Variants in DGKZ observed in about 807,000 individuals in gnomAD.
DGKZ encodes the protein diacylglycerol kinase zeta.
Under a neutral mutation model 142.5 loss-of-function variants are expected in DGKZ, and 45 were observed. That is an observed-to-expected ratio of 0.32 (90% CI 0.25 to 0.40). DGKZ has a LOEUF of 0.40. Among genes scored for constraint, DGKZ ranks in the 10% least tolerant of loss-of-function variants. The pLI is 1.00. For missense variants in DGKZ, 755 were observed against 1,306.5 expected (o/e 0.58, Z 6.51); for synonymous variants, 442 against 527.0 (o/e 0.84, Z 2.21).
rs967779934 is a variant in DGKZ, at chr11:46,366,942, G to A, written c.162-349G>A. On this transcript the variant is annotated intron_variant, in intron 1 of 30. Transcript: ENST00000527911. ...TCCCGCAGGCGCCAGGTAGCCCTACGGCGCAAGGCGGCCGGACCCCAGGCC... is the reference window on the plus strand; with the variant it reads ...TCCCGCAGGCGCCAGGTAGCCCTACAGCGCAAGGCGGCCGGACCCCAGGCC... 11 of 1,539,098 alleles carry A rather than the reference G, an allele frequency of 7.1e-6. No individual in the cohort carries two copies. The highest frequency in any genetic ancestry group is 1.2e-5 in the South Asian group (1 of 84,266).
chr11:46,353,946 C>T (rs540192908), intron 1 of DGKZ, among the ~76,000 whole-genome samples: 68 of 152,354 alleles, frequency 4.5e-4, no homozygotes, highest in African/African-American at 1.6e-3. Flanking sequence ...CCGCCCCCTT[C>T]CCCAGCTTGC....
In DGKZ at chr11:46,367,944, G is replaced by T; in HGVS notation, c.367-58G>T. ...ACAAAGGGCAGCTGTGCTGGGGCAG[G>T]CAGCCTCCGAGATAGACTTACCTGG... On this transcript the variant is annotated intron_variant, in intron 3 of 30. Transcript: ENST00000527911. The surrounding 1 kb of genome is among the most constrained non-coding windows in gnomAD (Gnocchi z 4.1). 1 of 1,592,906 alleles carries T rather than the reference G, an allele frequency of 6.3e-7. No homozygotes were observed. Among genetic ancestry groups the T allele is most frequent in the Non-Finnish European group, 8.6e-7 (1 of 1,161,252 alleles).
At chr11:46,361,338 G>A (rs1344933375) in intron 1 of DGKZ, among the ~76,000 whole-genome samples, 1 of 152,192 alleles carries the variant, frequency 6.6e-6, no homozygotes, top group Non-Finnish European at 1.5e-5. Context: ...CATGGGCTGG[G>A]CTGTACTGGG....
In DGKZ at chr11:46,367,123, C is replaced by A; in HGVS notation, c.162-168C>A. On this transcript the variant is annotated intron_variant, in intron 1 of 30. Transcript: ENST00000527911. This position sits in a 1 kb window ranked among gnomAD's most constrained non-coding sequence, Gnocchi z 4.1. Reference sequence around the variant, plus strand: ...GCAGTACCCTGAAGCCAGCGTACCCCAAAAGGCCATGTCTCTTGCAGGGAG... The same window carrying A: ...GCAGTACCCTGAAGCCAGCGTACCCAAAAAGGCCATGTCTCTTGCAGGGAG... 7.7e-7 allele frequency: 1 copy of A among 1,293,400 alleles called. No individual in the cohort carries two copies. The highest frequency in any genetic ancestry group is 1.1e-6 in the Non-Finnish European group (1 of 927,378). 80.1% of individuals were successfully genotyped at this position (1,293,400 alleles called of 1,614,324 possible).
At chr11:46,361,867 C>T (rs1227322209) in intron 1 of DGKZ, 1 of 176,692 alleles carries the variant, frequency 5.7e-6, no homozygotes, top group Admixed American at 6.5e-5. Context: ...AAAGGGTCCC[C>T]CCGAGCTCCT....
In DGKZ at chr11:46,372,806, C is replaced by T. The variant is rs1225260947; in HGVS notation, c.1107C>T (p.Arg369=). The T allele has an allele frequency of 1.2e-6, 2 of 1,603,882 alleles. No homozygotes were observed. Among genetic ancestry groups the T allele is most frequent in the Non-Finnish European group, 1.7e-6 (2 of 1,175,490 alleles). Residue 369 remains arginine (R), a synonymous_variant, in exon 13 of 31, where the codon CGC becomes CGT. Transcript: ENST00000527911. The surrounding 1 kb of genome is among the most constrained non-coding windows in gnomAD (Gnocchi z 5.9). Reference sequence around the variant, plus strand: ...TCCTCTCCACCCTGGACCAGCTACGCCTGAAGCCGCCACCCCCTGTTGCCA... The same window carrying T: ...TCCTCTCCACCCTGGACCAGCTACGTCTGAAGCCGCCACCCCCTGTTGCCA...
Position 46,347,498 on chromosome 11 carries a change from G to C in DGKZ, c.-162G>C. On this transcript the variant is annotated 5_prime_UTR_variant, in exon 1 of 31. Transcript: ENST00000527911. This position sits in a 1 kb window ranked among gnomAD's most constrained non-coding sequence, Gnocchi z 6.4. ...GGAGCGGCGGCGGCAGCGGCTTCCC[G>C]GGCACCTGGGCGTGGGGAGCGGGGG... The C allele has an allele frequency of 1.0e-6, 1 of 982,404 alleles. No homozygotes were observed. The highest frequency in any genetic ancestry group is 1.2e-6 in the Non-Finnish European group (1 of 829,006). The allele number at this position is 982,404 out of a possible 1,614,324, so 60.9% of individuals were successfully genotyped here.
chr11:46,361,102 G>C (rs1468914352), intron 1 of DGKZ, among the ~76,000 whole-genome samples: 2 of 152,222 alleles, frequency 1.3e-5, no homozygotes, highest in Admixed American at 6.5e-5. Flanking sequence ...CGTTTGTAAT[G>C]CTGGTGAAAA....
At position 46,367,141 on chromosome 11, in the gene DGKZ, G is replaced by T; in HGVS notation, c.162-150G>T. 3.2e-6 allele frequency: 4 copies of T among 1,241,820 alleles called. No homozygotes were observed. The South Asian group carries it at 3.9e-5, about 12-fold the overall frequency. The allele number at this position is 1,241,820 out of a possible 1,614,324, so 76.9% of individuals were successfully genotyped here. ...CGTACCCCAAAAGGCCATGTCTCTT[G>T]CAGGGAGCCTCTTAGTGTCTGGGGC... On this transcript the variant is annotated intron_variant, in intron 1 of 30. Transcript: ENST00000527911. The surrounding 1 kb of genome is among the most constrained non-coding windows in gnomAD (Gnocchi z 4.1).
upstream of DGKZ, chr11:46,345,471 G>C (rs1478089066): frequency 6.7e-7 from 1 of 1,503,592 alleles, no homozygotes; most frequent in Non-Finnish European, 8.9e-7. The surrounding 1 kb of genome is among the most constrained non-coding windows in gnomAD (Gnocchi z 4.1). Context: ...TCAGCTCTGG[G>C]CCCAGTGGAG....
Position 46,372,211 on chromosome 11 carries a change from G to A in DGKZ, c.927+41G>A, listed in dbSNP as rs371914563. The A allele has an allele frequency of 1.6e-4, 241 of 1,530,054 alleles. No individual in the cohort carries two copies. Among genetic ancestry groups the A allele is most frequent in the Non-Finnish European group, 2.1e-4 (234 of 1,128,746 alleles). The allele number at this position is 1,530,054 out of a possible 1,614,324, so 94.8% of individuals were successfully genotyped here. A position where few individuals can be genotyped will look rare whatever the true frequency, so the allele number is the denominator to read the frequency against. On this transcript the variant is annotated intron_variant, in intron 10 of 30. Transcript: ENST00000527911. This position sits in a 1 kb window ranked among gnomAD's most constrained non-coding sequence, Gnocchi z 5.9. Reference sequence around the variant, plus strand: ...CCTCTCAGCTAAGGGCTCGGGCGGGGGTTGGGGTCCAGCCCGTCTGCCAGC... The same window carrying A: ...CCTCTCAGCTAAGGGCTCGGGCGGGAGTTGGGGTCCAGCCCGTCTGCCAGC...
chr11:46,344,719 G>A (rs1226985284), upstream of DGKZ, among the ~76,000 whole-genome samples: 3 of 152,292 alleles, frequency 2.0e-5, no homozygotes, highest in East Asian at 3.9e-4. Context: ...CTCCCAAAGT[G>A]TTGGGATTAC....
At chr11:46,369,275 T>C in intron 4 of DGKZ, 1 of 629,434 alleles carries the variant, frequency 1.6e-6, no homozygotes, top group East Asian at 2.8e-5. Context: ...TCCTGGGTCC[T>C]GGGTGGAAGA....
intron 1 of DGKZ, among the ~76,000 whole-genome samples, chr11:46,352,564 G>T (rs910556855): frequency 6.6e-6 from 1 of 152,186 alleles, no homozygotes; most frequent in Non-Finnish European, 1.5e-5. Flanking sequence ...GGGGTCATCT[G>T]GGACTCCCGC....
rs529147095 is a variant in DGKZ, at chr11:46,364,242, G to A, written c.162-3049G>A. The A allele has an allele frequency of 2.2e-4, 152 of 695,950 alleles. 1 individual carries two copies. Among genetic ancestry groups the A allele is most frequent in the Middle Eastern group, 5.7e-4 (2 of 3,482 alleles). The allele number at this position is 695,950 out of a possible 1,614,324, so 43.1% of individuals were successfully genotyped here. ...CACTGACTTGCCGTGGACTCTAGGC[G>A]GTCACCTCTGCGTCAACTTCCTCAT... On this transcript the variant is annotated intron_variant, in intron 1 of 30. Coordinates refer to ENST00000527911, the Ensembl canonical transcript of DGKZ.
intron 1 of DGKZ, among the ~76,000 whole-genome samples, chr11:46,358,983 A>G (rs1204680812): frequency 1.3e-5 from 2 of 151,558 alleles, no homozygotes; most frequent in Non-Finnish European, 2.9e-5. Flanking sequence ...TCTCTACTAA[A>G]AATACAAAAA....
intron 6 of DGKZ, among the ~76,000 whole-genome samples, chr11:46,370,787 T>A (rs937897820): frequency 6.6e-6 from 1 of 152,098 alleles, no homozygotes; most frequent in Non-Finnish European, 1.5e-5. Context: ...TTTTTTATTT[T>A]AAAAAATGTG....
exon 8 of DGKZ, chr11:46,371,505 T>C: frequency 6.2e-7 from 1 of 1,606,398 alleles, no homozygotes; most frequent in Non-Finnish European, 8.5e-7. Flanking sequence ...CAAGGTGTCC[T>C]GCTTCATGCT....
chr11:46,341,009 G>A (rs755439997), intron 1 of DGKZ, among the ~76,000 whole-genome samples: 1 of 152,210 alleles, frequency 6.6e-6, no homozygotes, highest in Non-Finnish European at 1.5e-5. Context: ...ATTGCCAGGT[G>A]TGGTGGGACA....
Sources: allele counts gnomAD v4.1 joint callset (sites outside exome capture counted in the v4.1 genomes callset), GRCh38; gene constraint gnomAD v4.1.1; non-coding constraint Gnocchi (gnomAD v3.1); transcripts MANE v1.5; gene names NCBI Gene and HGNC (gene_info 2026-07-23, HGNC 2026-07-21).